The following CACNA2D1 variants were observed in gnomAD, a reference collection of about 807,000 sequenced individuals.
CACNA2D1 encodes calcium voltage-gated channel auxiliary subunit alpha2delta 1, also known as voltage-dependent calcium channel subunit alpha-2/delta-1.
CACNA2D1 carries 53 observed loss-of-function variants against 171.5 expected under a neutral mutation model. That is an observed-to-expected ratio of 0.31 (90% CI 0.25 to 0.39). CACNA2D1 has a LOEUF of 0.39. Ranked by LOEUF, CACNA2D1 falls within the 10% of genes least tolerant of loss-of-function variation. CACNA2D1 has a pLI of 1.00. For synonymous variants in CACNA2D1, 442 were observed against 443.1 expected, an observed-to-expected ratio of 1.00 and a Z score of 0.03; for missense variants, 903 against 1,299.8, an observed-to-expected ratio of 0.69 and a Z score of 4.69.
At chr7:82,370,851 G>C (rs1822324279) in intron 1 of CACNA2D1, among the ~76,000 whole-genome samples, 1 of 152,100 alleles carries the variant, frequency 6.6e-6, no homozygotes, top group Non-Finnish European at 1.5e-5. Flanking sequence ...GAAATACGCA[G>C]TAGTTCAAAT....
rs1173063108 is a variant in CACNA2D1 at position 82,109,590 on chromosome 7, T to C, written c.526+7454A>G. 4.0e-5 allele frequency among the ~76,000 whole-genome samples: 6 copies of C among 151,844 alleles called. No homozygotes were observed. In the South Asian group the frequency reaches 1.3e-3, roughly 32 times the overall value. On this transcript the variant is annotated intron_variant, in intron 6 of 38. Transcript: ENST00000356860. ...GTTTTGATTTCTACCATGGTAACAA[T>C]GAAACTATCAAATAAAAAAATATTT...
At chr7:82,138,486 G>A (rs1179947389) in intron 4 of CACNA2D1, among the ~76,000 whole-genome samples, 1 of 134,888 alleles carries the variant, frequency 7.4e-6, no homozygotes, top group Non-Finnish European at 1.5e-5. Flanking sequence ...TCGCTGTGTC[G>A]CCCAGGCTGG....
intron 36 of CACNA2D1, 92 bp from the exon 37 acceptor site, chr7:81,959,921 C>T: frequency 6.6e-7 from 1 of 1,504,896 alleles, no homozygotes; most frequent in Non-Finnish European, 8.9e-7. Context: ...AAATGAAAGA[C>T]AAAATATGAC....
At chr7:82,016,112 G>A (rs1432859586) in intron 12 of CACNA2D1, among the ~76,000 whole-genome samples, 1 of 152,002 alleles carries the variant, frequency 6.6e-6, no homozygotes, top group Non-Finnish European at 1.5e-5. Flanking sequence ...AAAATGCAAT[G>A]GTTTCATTTT....
At chr7:82,409,527 A>G (rs903734803) in intron 1 of CACNA2D1, among the ~76,000 whole-genome samples, 1 of 152,208 alleles carries the variant, frequency 6.6e-6, no homozygotes, top group Admixed American at 6.5e-5. Flanking sequence ...GCTACACACT[A>G]AAATCATCTG....
chr7:82,252,656 C>A (rs375861069), intron 3 of CACNA2D1, among the ~76,000 whole-genome samples: 1 of 152,124 alleles, frequency 6.6e-6, no homozygotes, highest in African/African-American at 2.4e-5. Flanking sequence ...GTTTGGGAGG[C>A]CAAGGCGGGC....
chr7:82,103,000 G>A (rs1005037437), intron 6 of CACNA2D1, among the ~76,000 whole-genome samples: 1 of 152,042 alleles, frequency 6.6e-6, no homozygotes, highest in African/African-American at 2.4e-5. Context: ...AATTATTTAT[G>A]TGGATAAACA....
At chr7:81,979,855 C>T (rs1376595817) in intron 24 of CACNA2D1, among the ~76,000 whole-genome samples, 2 of 151,574 alleles carry the variant, frequency 1.3e-5, no homozygotes, top group Non-Finnish European at 2.9e-5. Flanking sequence ...CTCCAGTCAC[C>T]AAGTATTTAT....
At chr7:82,424,847 T>C (rs752098671) in intron 1 of CACNA2D1, among the ~76,000 whole-genome samples, 32 of 152,234 alleles carry the variant, frequency 2.1e-4, no homozygotes, top group Non-Finnish European at 2.9e-4. Flanking sequence ...ATCTGATGCT[T>C]CACAGCATTT....
At chr7:81,976,867 A>T (rs1245325444) in intron 24 of CACNA2D1, among the ~76,000 whole-genome samples, 1 of 152,162 alleles carries the variant, frequency 6.6e-6, no homozygotes, top group East Asian at 1.9e-4. Flanking sequence ...AAAATAAAAA[A>T]AAAGGAATGC....
intron 5 of CACNA2D1, among the ~76,000 whole-genome samples, chr7:82,130,791 C>CTTTTTTTTTTTTTTTTTTTTTTTTTTT (rs71093363): frequency 2.8e-5 from 3 of 105,844 alleles, no homozygotes; most frequent in East Asian, 2.7e-4. Flanking sequence ...TTGTTTTTGT[C>CTTTTTTTTTTTTTTTTTTTTTTTTTTT]TTTTTTTTTT....
At chr7:82,258,999 T>G (rs887294098) in intron 3 of CACNA2D1, among the ~76,000 whole-genome samples, 34 of 152,080 alleles carry the variant, frequency 2.2e-4, no homozygotes, top group Admixed American at 1.3e-4. Flanking sequence ...TGACTAATTT[T>G]TGTATTTTTA....
At chr7:82,036,278 T>A (rs954217623) in intron 11 of CACNA2D1, among the ~76,000 whole-genome samples, 1 of 152,148 alleles carries the variant, frequency 6.6e-6, no homozygotes, top group African/African-American at 2.4e-5. Context: ...ACTATAAAGT[T>A]TTCCTTTGCC....
At chr7:82,264,351 C>T (rs1375457745) in intron 3 of CACNA2D1, among the ~76,000 whole-genome samples, 1 of 152,120 alleles carries the variant, frequency 6.6e-6, no homozygotes, top group Non-Finnish European at 1.5e-5. Flanking sequence ...CACAAAAGAT[C>T]TGTTTTTGTA....
At chr7:82,216,605 C>CT (rs1223332779) in intron 3 of CACNA2D1, among the ~76,000 whole-genome samples, 3 of 151,964 alleles carry the variant, frequency 2.0e-5, no homozygotes, top group African/African-American at 7.3e-5. Flanking sequence ...CTGATTTATT[C>CT]TTTTTTCTGA....
At chr7:82,187,639 A>G (rs1032996436) in intron 3 of CACNA2D1, among the ~76,000 whole-genome samples, 5 of 152,180 alleles carry the variant, frequency 3.3e-5, no homozygotes, top group Non-Finnish European at 7.4e-5. Flanking sequence ...AATAAATTAA[A>G]TCAGTCAACT....
intron 6 of CACNA2D1, among the ~76,000 whole-genome samples, chr7:82,111,377 C>CAT (rs112816363): frequency 1.5e-4 from 12 of 82,192 alleles, no homozygotes; most frequent in African/African-American, 4.7e-4. Flanking sequence ...TATATATATT[C>CAT]ATATATGTGT....
rs1303804651 is a variant in CACNA2D1 at position 82,320,414 on chromosome 7, AT to A, written c.294+14720del. On this transcript the variant is annotated intron_variant, in intron 3 of 38. Coordinates refer to ENST00000356860, the MANE Select transcript of CACNA2D1 (RefSeq NM_000722.4). ...GAAAACAAACAATAAATAATGCACC[AT>A]CTGTGGTTTTGAGGGAGACAGGGTC... Among the ~76,000 whole-genome samples, 23 of 152,166 alleles carry A rather than the reference AT, an allele frequency of 1.5e-4. No individual in the cohort carries two copies. The South Asian group carries it at 1.7e-3, about 11-fold the overall frequency.
intron 6 of CACNA2D1, among the ~76,000 whole-genome samples, chr7:82,115,782 C>T (rs1052498035): frequency 6.6e-6 from 1 of 150,856 alleles, no homozygotes; most frequent in African/African-American, 2.5e-5. Flanking sequence ...GTCCCTTAAT[C>T]TTGTGAGTCT....
Sources: allele counts gnomAD v4.1 joint callset (sites outside exome capture counted in the v4.1 genomes callset), GRCh38; gene constraint gnomAD v4.1.1; transcripts MANE v1.5; gene names NCBI Gene and HGNC (gene_info 2026-07-23, HGNC 2026-07-21).